ACRBP: variants seen among roughly 807,000 people sequenced by gnomAD.
The protein encoded by ACRBP is acrosin binding protein, also known as acrosin-binding protein.
Under a neutral mutation model 69.0 loss-of-function variants are expected in ACRBP, and 52 were observed. That is an observed-to-expected ratio of 0.75 (90% CI 0.60 to 0.95). The LOEUF (loss-of-function observed/expected upper bound fraction) is 0.95. Ranked by LOEUF, ACRBP falls within the 40% of genes least tolerant of loss-of-function variation. ACRBP has a pLI of 0.00. For synonymous variants in ACRBP, 267 were observed against 258.9 expected (o/e 1.03, Z -0.30); for missense variants, 604 against 673.0 (o/e 0.90, Z 1.13).
intron 8 of ACRBP, among the ~76,000 whole-genome samples, chr12:6,639,464 A>T (rs1949035530): frequency 6.6e-6 from 1 of 152,224 alleles, no homozygotes; most frequent in African/African-American, 2.4e-5. Context: ...GCCCAGGGAC[A>T]AGAGCTGGAC....
chr12:6,646,276 C>G (rs1183751672), intron 3 of ACRBP, among the ~76,000 whole-genome samples: 1 of 152,074 alleles, frequency 6.6e-6, no homozygotes, highest in Non-Finnish European at 1.5e-5. Flanking sequence ...CCAGTCTCTT[C>G]TCTACTTTTC....
intron 4 of ACRBP, 63 bp downstream of exon 4, chr12:6,645,157 C>A: frequency 7.6e-7 from 1 of 1,309,534 alleles, no homozygotes; most frequent in South Asian, 1.2e-5. Flanking sequence ...GGATGCCTTA[C>A]GTTGTGGGCT....
chr12:6,639,984 C>A lies in ACRBP; in HGVS notation c.1425+76G>T, dbSNP rs936513403. On this transcript the variant is annotated intron_variant, in intron 8 of 9. Transcript: ENST00000229243. The stretch of plus-strand genomic sequence containing the variant: ...GCCCAAGCCCCCTTCCACAAACTAG[C>A]GCTACTCACAGCAAGTAACTGGAAG... The A allele has an allele frequency of 2.6e-6, 4 of 1,542,870 alleles. No individual in the cohort carries two copies. In the African/African-American group the frequency reaches 5.4e-5, roughly 21 times the overall value.
rs759634284 is a variant in ACRBP at position 6,644,624 on chromosome 12, A to G, written c.476-19T>C. 1 of 1,587,582 alleles carries G rather than the reference A, an allele frequency of 6.3e-7. No homozygotes were observed. The highest frequency in any genetic ancestry group is 1.1e-5 in the South Asian group (1 of 87,036). ...TCTGTCACTACAGCAGGGTTTAGAG[A>G]GAAGGGAGAGAGACAGTCAGGCTTC... On this transcript the variant is annotated intron_variant, in intron 4 of 9. Transcript: ENST00000229243.
intron 6 of ACRBP, among the ~76,000 whole-genome samples, chr12:6,642,099 C>T (rs1949057155): frequency 6.6e-6 from 1 of 152,194 alleles, no homozygotes. Flanking sequence ...GCTCTCTGTA[C>T]TTTGTGCCTA....
chr12:6,643,437 T>C, intron 6 of ACRBP, 102 bp downstream of exon 6: 1 of 1,488,606 alleles, frequency 6.7e-7, no homozygotes, highest in Non-Finnish European at 9.2e-7. Flanking sequence ...CAGCTATGTC[T>C]CATGCTTCTC....
At position 6,638,920 on chromosome 12, in the gene ACRBP, C is replaced by A. The variant is rs1592305464; in HGVS notation, c.1509+34G>T. The A allele has an allele frequency of 1.9e-6, 3 of 1,608,058 alleles. No individual in the cohort carries two copies. The East Asian group carries it at 6.7e-5, about 36-fold the overall frequency. On this transcript the variant is annotated intron_variant, in intron 9 of 9. Coordinates refer to ENST00000229243, the MANE Select transcript of ACRBP (RefSeq NM_032489.3). ...GTTATGGTGACTGATTGAGGGGGTG[C>A]TGGGAGAAGGAGGGGCAGGGCAGGG...
chr12:6,646,177 G>T lies in ACRBP; in HGVS notation c.357+306C>A, dbSNP rs553161383. 4.5e-5 allele frequency among the ~76,000 whole-genome samples: 6 copies of T among 132,160 alleles called. 1 individual carries two copies. Among genetic ancestry groups the T allele is most frequent in the African/African-American group, 1.5e-4 (5 of 34,130 alleles). The allele number at this position is 132,160 out of a possible 152,430, so 86.7% of individuals were successfully genotyped here. A position where few individuals can be genotyped will look rare whatever the true frequency, so the allele number is the denominator to read the frequency against. ...AGTAGAAACGGGGTTTCACCATGTTGGCCAGGCTGGTCTCGAACTCCTGAC... is the reference window on the plus strand; with the variant it reads ...AGTAGAAACGGGGTTTCACCATGTTTGCCAGGCTGGTCTCGAACTCCTGAC... On this transcript the variant is annotated intron_variant, in intron 3 of 9. Coordinates refer to ENST00000229243, the MANE Select transcript of ACRBP (RefSeq NM_032489.3).
Position 6,644,298 on chromosome 12 carries a change from T to C in ACRBP, c.783A>G (p.Leu261=), listed in dbSNP as rs374973107. 26 of 1,614,042 alleles carry C rather than the reference T, an allele frequency of 1.6e-5. No homozygotes were observed. In the African/African-American group the frequency reaches 2.4e-4, roughly 15 times the overall value. The part of the protein sequence containing the change: ...DSEPKFHSES[L]SSNPSSFAPR... Reference sequence around the variant, plus strand: ...GAGCAAAAGAGGAAGGGTTAGAAGATAGAGATTCAGAGTGAAACTTGGGCT... The same window carrying C: ...GAGCAAAAGAGGAAGGGTTAGAAGACAGAGATTCAGAGTGAAACTTGGGCT... The change falls in exon 5 of 10, where the codon CTA becomes CTG. Residue 261 remains leucine (L), a synonymous_variant. Transcript: ENST00000229243.
intron 8 of ACRBP, among the ~76,000 whole-genome samples, chr12:6,639,297 G>A (rs990352876): frequency 2.6e-5 from 4 of 152,238 alleles, no homozygotes; most frequent in Admixed American, 2.6e-4. Context: ...GAGGAAGCGG[G>A]AATGGGGCAG....
chr12:6,644,748 T>C (rs1047994844), intron 4 of ACRBP, 143 bp from the exon 5 acceptor site: 2 of 1,335,256 alleles, frequency 1.5e-6, no homozygotes, highest in Non-Finnish European at 2.0e-6. Context: ...AGAACATAAG[T>C]ATTAAACTAA....
chr12:6,640,023 G>C lies in ACRBP; in HGVS notation c.1425+37C>G, dbSNP rs750657382. ...AGTAACTGGAAGGAATGGGGTGAGG[G>C]TAGGGATGGGGCTGAGCTTTGGGGA... On this transcript the variant is annotated intron_variant, in intron 8 of 9. Coordinates refer to ENST00000229243, the MANE Select transcript of ACRBP (RefSeq NM_032489.3). The surrounding 1 kb of genome is among the most constrained non-coding windows in gnomAD (Gnocchi z 5.3). The C allele has an allele frequency of 1.1e-5, 18 of 1,610,502 alleles. No individual in the cohort carries two copies. In the South Asian group the frequency reaches 2.0e-4, roughly 18 times the overall value.
rs1565392036 is a variant in ACRBP, at chr12:6,642,645, G to GC, written c.1077+893_1077+894insG. On this transcript the variant is annotated intron_variant, in intron 6 of 9. Transcript: ENST00000229243. Reference sequence around the variant, plus strand: ...CCTAGTTACTTGAGCTTTATAGAAAGTCTGGATTTATATAGGACAAGTATG... The same window carrying GC: ...CCTAGTTACTTGAGCTTTATAGAAAGCTCTGGATTTATATAGGACAAGTATG... Among the ~76,000 whole-genome samples the GC allele has an allele frequency of 2.2e-4, 34 of 152,264 alleles. No homozygotes were observed. In the South Asian group the frequency reaches 3.1e-3, roughly 14 times the overall value.
At position 6,643,630 on chromosome 12, in the gene ACRBP, C is replaced by T. The variant is rs1949068346; in HGVS notation, c.986G>A (p.Cys329Tyr). 6.2e-7 allele frequency: 1 copy of T among 1,614,202 alleles called. No individual in the cohort carries two copies. The highest frequency in any genetic ancestry group is 1.3e-5 in the African/African-American group (1 of 75,056). The change falls in exon 6 of 10, where the codon TGC becomes TAC. Residue 329 changes from cysteine (C) to tyrosine (Y), a missense_variant. Coordinates refer to ENST00000229243, the MANE Select transcript of ACRBP (RefSeq NM_032489.3). The stretch of plus-strand genomic sequence containing the variant: ...GCAGGTATTCTCCACGATCGAATAG[C>T]ACAGCACCAGCAAGGCCTCTGTGTG... ...LPHTEALLVL[C>Y]YSIVENTCII...
chr12:6,644,658 G>T, intron 4 of ACRBP, 53 bp from the exon 5 acceptor site: 2 of 1,543,792 alleles, frequency 1.3e-6, no homozygotes, highest in South Asian at 1.3e-5. Context: ...TCTAGCCCCT[G>T]AGTGTCTTTG....
In ACRBP at chr12:6,646,507, G is replaced by A. The variant is rs1949090311; in HGVS notation, c.333C>T (p.Cys111=). The stretch of plus-strand genomic sequence containing the variant: ...CCTTGGCATAGTAGACGTGGTTGGA[G>A]CAACGGTAGTGAGTGAACTGGCAGA... ...ESFCQFTHYR[C]SNHVYYAKRV... Residue 111 remains cysteine, a synonymous_variant, in exon 3 of 10, where the codon TGC becomes TGT. Transcript: ENST00000229243. 3 of 1,614,118 alleles carry A rather than the reference G, an allele frequency of 1.9e-6. No individual in the cohort carries two copies. Among genetic ancestry groups the A allele is most frequent in the African/African-American group, 1.3e-5 (1 of 75,032 alleles).
At chr12:6,638,624 G>T (rs538373723) in intron 9 of ACRBP, 10 of 1,282,796 alleles carry the variant, frequency 7.8e-6, no homozygotes, top group Non-Finnish European at 1.0e-5. Flanking sequence ...AGGCTCAGAG[G>T]GGGAAGTGCC....
Position 6,644,604 on chromosome 12 carries a change from C to A in ACRBP, c.477G>T (p.Val159=). ...AGGGCTGGAAGGTCTGGCGTTCTGT[C>A]ACTACAGCAGGGTTTAGAGAGAAGG... The part of the protein sequence containing the change: ...MTSPISPHFT[V]TERQTFQPWP... Residue 159 remains valine (V), a splice_region_variant and synonymous_variant, in exon 5 of 10, where the codon GTG becomes GTT. Coordinates refer to ENST00000229243, the MANE Select transcript of ACRBP (RefSeq NM_032489.3). 6.2e-7 allele frequency: 1 copy of A among 1,610,646 alleles called. No homozygotes were observed. The highest frequency in any genetic ancestry group is 1.1e-5 in the South Asian group (1 of 90,640).
rs149428159 is a variant in ACRBP at position 6,639,157 on chromosome 12, CCACA to C, written c.1426-124_1426-121del. The C allele has an allele frequency of 5.6e-3, 4,825 of 860,438 alleles. 170 individuals carry two copies. The African/African-American group carries it at 0.07, about 12-fold the overall frequency. 53.3% of individuals were successfully genotyped at this position (860,438 alleles called of 1,614,324 possible). A position where few individuals can be genotyped will look rare whatever the true frequency, so the allele number is the denominator to read the frequency against. On this transcript the variant is annotated intron_variant, in intron 8 of 9. Transcript: ENST00000229243. ...GGGTGTGGCCCAAGACCCAGGTCTTCCACACACAGGCGGCCCCTCACTCCGCTTT... is the reference window on the plus strand; with the variant it reads ...GGGTGTGGCCCAAGACCCAGGTCTTCCACAGGCGGCCCCTCACTCCGCTTT...
Sources: gnomAD v4.1 joint callset for allele counts (sites outside exome capture counted in the v4.1 genomes callset) on GRCh38, gnomAD v4.1.1 for gene constraint, Gnocchi (gnomAD v3.1) non-coding constraint, MANE v1.5 for transcripts, NCBI Gene and HGNC (gene_info 2026-07-23, HGNC 2026-07-21) for gene names.